FBN1: variants seen among roughly 807,000 people sequenced by gnomAD.
FBN1 encodes fibrillin 1.
A neutral mutation model predicts 365.1 loss-of-function variants in FBN1; 29 were observed. The ratio of observed to expected loss-of-function variants is 0.08; its 90% CI spans 0.06 to 0.11. The LOEUF is 0.11. Among genes scored for constraint, FBN1 ranks in the 10% least tolerant of loss-of-function variants. The pLI is 1.00. For missense variants in FBN1, 2,476 were observed against 3,703.2 expected, an observed-to-expected ratio of 0.67 and a Z score of 8.60; for synonymous variants, 1,210 against 1,270.5, an observed-to-expected ratio of 0.95 and a Z score of 1.01.
intron 2 of FBN1, among the ~76,000 whole-genome samples, chr15:48,627,625 A>C (rs964284648): frequency 3.3e-5 from 5 of 150,690 alleles, no homozygotes; most frequent in African/African-American, 1.2e-4. Flanking sequence ...TGGGTGATCC[A>C]GATGATCTTC....
At chr15:48,620,159 G>A (rs1889739274) in intron 2 of FBN1, among the ~76,000 whole-genome samples, 2 of 152,180 alleles carry the variant, frequency 1.3e-5, no homozygotes, top group South Asian at 4.1e-4. Context: ...AGCACTATGG[G>A]AATTCTTAGG....
At chr15:48,416,184 T>G (rs886356410) in intron 63 of FBN1, among the ~76,000 whole-genome samples, 2 of 152,212 alleles carry the variant, frequency 1.3e-5, no homozygotes, top group African/African-American at 4.8e-5. Context: ...TGCAGTTCTC[T>G]GCGTACTTGC....
chr15:48,444,440 A>G (rs1031497466), intron 49 of FBN1, 101 bp downstream of exon 49: 1 of 1,390,712 alleles, frequency 7.2e-7, no homozygotes, highest in Admixed American at 1.7e-5. Context: ...TGTTTCTGAT[A>G]AAGTATTCCA....
intron 6 of FBN1, among the ~76,000 whole-genome samples, chr15:48,561,055 G>C (rs901081017): frequency 6.6e-6 from 1 of 152,132 alleles, no homozygotes; most frequent in Non-Finnish European, 1.5e-5. Context: ...AGAAAACAAA[G>C]TCTCAAGAGG....
At chr15:48,487,236 T>C in intron 28 of FBN1, 36 bp from the exon 29 acceptor site, 2 of 1,614,072 alleles carry the variant, frequency 1.2e-6, no homozygotes, top group Non-Finnish European at 1.7e-6. Context: ...CACCCAAACA[T>C]AAGCTTCCAA....
At chr15:48,643,350 G>A (rs1890233427) in intron 2 of FBN1, 1 of 152,212 alleles carries the variant, frequency 6.6e-6, no homozygotes, top group African/African-American at 2.4e-5. Context: ...CGAAGGCCAA[G>A]ATGGAACCGA....
intron 12 of FBN1, among the ~76,000 whole-genome samples, chr15:48,514,116 T>C (rs1485183004): frequency 2.0e-5 from 3 of 152,170 alleles, no homozygotes; most frequent in Admixed American, 6.5e-5. Context: ...GAAGCAACTG[T>C]TGTTTAAAGG....
intron 13 of FBN1, 115 bp downstream of exon 13, chr15:48,513,434 G>A (rs183310153): frequency 7.4e-5 from 107 of 1,449,030 alleles, no homozygotes; most frequent in Middle Eastern, 5.2e-4. Flanking sequence ...AAAAAGCCAC[G>A]GGACTGTATT....
chr15:48,506,006 T>C (rs1357470836), intron 15 of FBN1, among the ~76,000 whole-genome samples: 1 of 152,154 alleles, frequency 6.6e-6, no homozygotes, highest in African/African-American at 2.4e-5. Context: ...GCAGATCACT[T>C]GAGGCCAGGA....
At chr15:48,433,409 A>G (rs760784693) in intron 54 of FBN1, among the ~76,000 whole-genome samples, 1 of 152,152 alleles carries the variant, frequency 6.6e-6, no homozygotes, top group Non-Finnish European at 1.5e-5. Context: ...TTGTGGTCAG[A>G]ACAGAAACCA....
intron 2 of FBN1, chr15:48,643,700 G>GA (rs556651230): frequency 1.3e-4 from 20 of 152,282 alleles, no homozygotes; most frequent in African/African-American, 4.8e-4. Context: ...TATACTGTCT[G>GA]AATTTATTTA....
chr15:48,622,811 C>T (rs1414111226), intron 2 of FBN1, among the ~76,000 whole-genome samples: 4 of 152,120 alleles, frequency 2.6e-5, no homozygotes, highest in African/African-American at 4.8e-5. Flanking sequence ...CACTCATGCA[C>T]GCACTGCTAT....
intron 2 of FBN1, among the ~76,000 whole-genome samples, chr15:48,634,493 C>A (rs1890052869): frequency 6.6e-6 from 1 of 152,066 alleles, no homozygotes; most frequent in African/African-American, 2.4e-5. Context: ...AGCCTAGGTC[C>A]ACTGGCTGGC....
intron 4 of FBN1, among the ~76,000 whole-genome samples, chr15:48,602,580 G>A (rs767228905): frequency 1.2e-4 from 18 of 152,168 alleles, no homozygotes; most frequent in African/African-American, 4.8e-5. Flanking sequence ...GCCCTACTAA[G>A]TAGGTTGCTA....
intron 6 of FBN1, among the ~76,000 whole-genome samples, chr15:48,587,382 T>A (rs2140697794): frequency 6.6e-6 from 1 of 152,326 alleles, no homozygotes; most frequent in East Asian, 1.9e-4. Flanking sequence ...TTAATCCCAA[T>A]ATCCTGCTTC....
At chr15:48,457,138 G>A (rs1258314263) in intron 43 of FBN1, among the ~76,000 whole-genome samples, 1 of 152,082 alleles carries the variant, frequency 6.6e-6, no homozygotes, top group Non-Finnish European at 1.5e-5. Context: ...AAAAGGCAGA[G>A]GTGAGCTGGT....
chr15:48,497,814 G>A (rs1183842042), intron 18 of FBN1, among the ~76,000 whole-genome samples: 2 of 152,110 alleles, frequency 1.3e-5, no homozygotes, highest in Admixed American at 6.5e-5. Flanking sequence ...TAAAAACAAG[G>A]TATTATATCG....
intron 6 of FBN1, among the ~76,000 whole-genome samples, chr15:48,574,817 C>T (rs1450670291): frequency 6.6e-6 from 1 of 152,166 alleles, no homozygotes; most frequent in Non-Finnish European, 1.5e-5. Flanking sequence ...TCAAGCCTGA[C>T]ACAAAATAGC....
At chr15:48,492,875 A>G (rs1424219977) in intron 23 of FBN1, among the ~76,000 whole-genome samples, 2 of 152,194 alleles carry the variant, frequency 1.3e-5, no homozygotes, top group Non-Finnish European at 2.9e-5. Flanking sequence ...GTAGCTGCGG[A>G]CATTTCAGGT....
Sources: gnomAD v4.1 joint callset for allele counts (sites outside exome capture counted in the v4.1 genomes callset) on GRCh38, gnomAD v4.1.1 for gene constraint, MANE v1.5 for transcripts, NCBI Gene and HGNC (gene_info 2026-07-23, HGNC 2026-07-21) for gene names.